The following CHAC1 variants were observed in gnomAD, a reference collection of about 807,000 sequenced individuals.
The protein encoded by CHAC1 is glutathione-specific gamma-glutamylcyclotransferase 1.
In CHAC1, 22 loss-of-function variants were observed where a neutral mutation model predicts 22.1. The observed-to-expected ratio is 1.00, with a 90% CI of 0.71 to 1.42. CHAC1 has a LOEUF of 1.42. CHAC1 is among the 40% of genes most tolerant of loss of function. The probability of loss-of-function intolerance (pLI) is 0.00; values close to 1 mark genes in which losing one functional copy is unlikely to be tolerated. For synonymous variants in CHAC1, 145 were observed against 128.7 expected, an observed-to-expected ratio of 1.13 and a Z score of -0.86; for missense variants, 272 against 299.2, an observed-to-expected ratio of 0.91 and a Z score of 0.67.
chr15:40,955,773 G>A lies in CHAC1; in HGVS notation c.668G>A (p.Ter223=), dbSNP rs1447383683. 6.3e-7 allele frequency: 1 copy of A among 1,590,226 alleles called. No homozygotes were observed. The highest frequency in any genetic ancestry group is 1.1e-5 in the South Asian group (1 of 89,894). Residue 223 remains the stop codon, a stop_retained_variant, in exon 3 of 3, where the codon TGA becomes TAA. Coordinates refer to ENST00000617768, the MANE Select transcript of CHAC1 (RefSeq NM_024111.6). ...ACCGAGCAGGCTCTGGCGCTGGTGTGAGGGGCTGAGCCCCTGCGGGGAGTG... is the reference window on the plus strand; with the variant it reads ...ACCGAGCAGGCTCTGGCGCTGGTGTAAGGGGCTGAGCCCCTGCGGGGAGTG... ...CPTEQALALV[*] is the part of the protein sequence containing the mutation.
At position 40,954,700 on chromosome 15, in the gene CHAC1, T is replaced by G. The variant is rs867131586; in HGVS notation, c.267+437T>G. Among the ~76,000 whole-genome samples the G allele has an allele frequency of 2.6e-5, 4 of 152,288 alleles. No homozygotes were observed. In the South Asian group the frequency reaches 6.2e-4, roughly 24 times the overall value. On this transcript the variant is annotated intron_variant, in intron 2 of 2. Coordinates refer to ENST00000617768, the MANE Select transcript of CHAC1 (RefSeq NM_024111.6). ...CTCACTGCAACATCTGCCTTCCAGA[T>G]TCAAGCGATTCTCCCACCTCAGCCT...
chr15:40,953,745 G>A lies in CHAC1; in HGVS notation c.162G>A (p.Val54=), dbSNP rs1270514250. The A allele has an allele frequency of 6.2e-7, 1 of 1,602,086 alleles. No homozygotes were observed. The highest frequency in any genetic ancestry group is 8.5e-7 in the Non-Finnish European group (1 of 1,179,756). The change falls in exon 1 of 3, where the codon GTG becomes GTA. Residue 54 remains valine (V), a synonymous_variant. Coordinates refer to ENST00000617768, the MANE Select transcript of CHAC1 (RefSeq NM_024111.6). ...ACTTCGCCTACAGCGACAGCCGTGT[G>A]GGCTTCGTGCGCGGCTACAGCCGCC... is the stretch of plus-strand genomic sequence containing the variant. The part of the protein sequence containing the change: ...RPDFAYSDSR[V]GFVRGYSRRF...
At position 40,953,676 on chromosome 15, in the gene CHAC1, A is replaced by G; in HGVS notation, c.93A>G (p.Gln31=). The change falls in exon 1 of 3, where the codon CAA becomes CAG. Residue 31 remains glutamine (Q), a synonymous_variant. Coordinates refer to ENST00000617768, the MANE Select transcript of CHAC1 (RefSeq NM_024111.6). ...AQFPRNDGDP[Q]ALWIFGYGSL... is the part of the protein sequence containing the mutation. ...TCCCCCGAAACGACGGCGACCCTCA[A>G]GCGCTGTGGATTTTCGGGTACGGCT... 6.2e-7 allele frequency: 1 copy of G among 1,608,382 alleles called. No individual in the cohort carries two copies. The highest frequency in any genetic ancestry group is 1.1e-5 in the South Asian group (1 of 91,082).
rs1280559612 is a variant in CHAC1 at position 40,955,590 on chromosome 15, C to A, written c.485C>A (p.Ala162Asp). The part of the protein sequence containing the change: ...YLGPAPEEAI[A>D]TQILACRGFS... ...GGCCCTGCGCCTGAAGAGGCCATTG[C>A]CACGCAGATCCTGGCCTGCCGGGGC... is the stretch of plus-strand genomic sequence containing the variant. Residue 162 changes from alanine to aspartate, a missense_variant, in exon 3 of 3, where the codon GCC (alanine) becomes GAC (aspartate). Transcript: ENST00000617768. 1.2e-6 allele frequency: 2 copies of A among 1,614,084 alleles called. No individual in the cohort carries two copies. The highest frequency in any genetic ancestry group is 1.7e-5 in the Admixed American group (1 of 60,032).
chr15:40,953,671 C>G lies in CHAC1; in HGVS notation c.88C>G (p.Pro30Ala), dbSNP rs755765473. 1.2e-5 allele frequency: 19 copies of G among 1,608,632 alleles called. No individual in the cohort carries two copies. The highest frequency in any genetic ancestry group is 8.3e-5 in the Admixed American group (5 of 60,010). The change falls in exon 1 of 3, where the codon CCT becomes GCT. Residue 30 changes from proline (P) to alanine (A), a missense_variant. Physicochemically the swap from Pro to Ala is conservative, Grantham distance 27. Transcript: ENST00000617768. The stretch of plus-strand genomic sequence containing the variant: ...TCAGTTCCCCCGAAACGACGGCGAC[C>G]CTCAAGCGCTGTGGATTTTCGGGTA... ...SAQFPRNDGD[P>A]QALWIFGYGS...
chr15:40,955,305 G>A, intron 2 of CHAC1, 68 bp from the exon 3 acceptor site: 1 of 1,562,292 alleles, frequency 6.4e-7, no homozygotes, highest in Non-Finnish European at 8.7e-7. Flanking sequence ...GGGGTGGCAT[G>A]TTAGGATAGG....
chr15:40,953,657 G>GA lies in CHAC1; in HGVS notation c.77dup (p.Asn26LysfsTer61). ...CCTACGCCGTCCGCTCAGTTCCCCC[G>GA]AAACGACGGCGACCCTCAAGCGCTG... On this transcript the variant is annotated frameshift_variant, in exon 1 of 3. Transcript: ENST00000617768. LOFTEE classifies it high-confidence loss of function. The GA allele has an allele frequency of 6.2e-7, 1 of 1,609,144 alleles. No homozygotes were observed. The highest frequency in any genetic ancestry group is 8.5e-7 in the Non-Finnish European group (1 of 1,179,990).
Position 40,955,775 on chromosome 15 carries a change from G to A in CHAC1, c.*1G>A. The A allele has an allele frequency of 6.3e-7, 1 of 1,589,616 alleles. No homozygotes were observed. The highest frequency in any genetic ancestry group is 8.5e-7 in the Non-Finnish European group (1 of 1,173,624). ...CGAGCAGGCTCTGGCGCTGGTGTGAGGGGCTGAGCCCCTGCGGGGAGTGCT... is the reference window on the plus strand; with the variant it reads ...CGAGCAGGCTCTGGCGCTGGTGTGAAGGGCTGAGCCCCTGCGGGGAGTGCT... On this transcript the variant is annotated 3_prime_UTR_variant, in exon 3 of 3. Transcript: ENST00000617768.
At position 40,953,549 on chromosome 15, in the gene CHAC1, G is replaced by A; in HGVS notation, c.-35G>A. 3.7e-6 allele frequency: 6 copies of A among 1,608,146 alleles called. No individual in the cohort carries two copies. Among genetic ancestry groups the A allele is most frequent in the Admixed American group, 1.7e-5 (1 of 59,992 alleles). On this transcript the variant is annotated 5_prime_UTR_variant, in exon 1 of 3. Coordinates refer to ENST00000617768, the MANE Select transcript of CHAC1 (RefSeq NM_024111.6). Reference sequence around the variant, plus strand: ...CGTGCCCACGCCGGAGACCAGCCCCGGAGGCCGCCTGGGCCTATCCCTGTG... The same window carrying A: ...CGTGCCCACGCCGGAGACCAGCCCCAGAGGCCGCCTGGGCCTATCCCTGTG...
chr15:40,955,908 G>C lies in CHAC1; in HGVS notation c.*134G>C, dbSNP rs1893236230. 1.1e-6 allele frequency: 1 copy of C among 872,956 alleles called. No homozygotes were observed. Among genetic ancestry groups the C allele is most frequent in the Non-Finnish European group, 1.7e-6 (1 of 587,716 alleles). 54.1% of individuals were successfully genotyped at this position (872,956 alleles called of 1,614,324 possible). On this transcript the variant is annotated 3_prime_UTR_variant, in exon 3 of 3. Coordinates refer to ENST00000617768, the MANE Select transcript of CHAC1 (RefSeq NM_024111.6). ...GGTGGCTGGAGGCTTCTCTTTCTCAGTCCCTGCCTGTCTGCCAGCCTGCAG... is the reference window on the plus strand; with the variant it reads ...GGTGGCTGGAGGCTTCTCTTTCTCACTCCCTGCCTGTCTGCCAGCCTGCAG...
rs1183482984 is a variant in CHAC1 at position 40,953,750 on chromosome 15, T to C, written c.167T>C (p.Phe56Ser). 1 of 1,601,428 alleles carries C rather than the reference T, an allele frequency of 6.2e-7. No homozygotes were observed. The highest frequency in any genetic ancestry group is 8.5e-7 in the Non-Finnish European group (1 of 1,179,682). Residue 56 changes from phenylalanine (F) to serine (S), a missense_variant, in exon 1 of 3, where the codon TTC (phenylalanine) becomes TCC (serine). Coordinates refer to ENST00000617768, the MANE Select transcript of CHAC1 (RefSeq NM_024111.6). ...GCCTACAGCGACAGCCGTGTGGGCT[T>C]CGTGCGCGGCTACAGCCGCCGTTTC... ...DFAYSDSRVG[F>S]VRGYSRRFWQ... is the part of the protein sequence containing the mutation.
chr15:40,954,582 TTTTTTGTTG>T (rs1424924754), intron 2 of CHAC1, among the ~76,000 whole-genome samples: 3 of 148,840 alleles, frequency 2.0e-5, no homozygotes, highest in African/African-American at 5.2e-5. Flanking sequence ...ACTGTTTTTT[TTTTTTGTTG>T]TTGTTGTTGT....
rs775626777 is a variant in CHAC1 at position 40,953,512 on chromosome 15, C to G, written c.-72C>G. 1.9e-6 allele frequency: 3 copies of G among 1,597,022 alleles called. No homozygotes were observed. In the Admixed American group the frequency reaches 5.1e-5, roughly 27 times the overall value. Reference sequence around the variant, plus strand: ...CGGTGCCAGGCCAGGTGTGTGCGTCCGTCGGTCTTTCCGTGCCCACGCCGG... The same window carrying G: ...CGGTGCCAGGCCAGGTGTGTGCGTCGGTCGGTCTTTCCGTGCCCACGCCGG... On this transcript the variant is annotated 5_prime_UTR_variant, in exon 1 of 3. Transcript: ENST00000617768.
rs567095735 is a variant in CHAC1, at chr15:40,955,456, G to T, written c.351G>T (p.Val117=). 2 of 1,614,142 alleles carry T rather than the reference G, an allele frequency of 1.2e-6. No individual in the cohort carries two copies. The highest frequency in any genetic ancestry group is 8.5e-7 in the Non-Finnish European group (1 of 1,180,004). ...ALKYLNVREA[V]LGGYDTKEVT... ...AGTACCTGAATGTGCGAGAGGCAGT[G>T]CTTGGTGGCTACGATACCAAGGAGG... Residue 117 remains valine (V), a synonymous_variant, in exon 3 of 3, where the codon GTG becomes GTT. Coordinates refer to ENST00000617768, the MANE Select transcript of CHAC1 (RefSeq NM_024111.6).
At chr15:40,954,364 C>A in intron 2 of CHAC1, 101 bp downstream of exon 2, 1 of 1,198,826 alleles carries the variant, frequency 8.3e-7, no homozygotes, top group Non-Finnish European at 1.2e-6. Context: ...CTGTCTGATG[C>A]TTCTCTGGCA....
At position 40,955,459 on chromosome 15, in the gene CHAC1, T is replaced by C. The variant is rs112929833; in HGVS notation, c.354T>C (p.Leu118=). 1.4e-4 allele frequency: 218 copies of C among 1,614,102 alleles called. 1 individual carries two copies. The African/African-American group carries it at 2.4e-3, about 18-fold the overall frequency. The part of the protein sequence containing the change: ...LKYLNVREAV[L]GGYDTKEVTF... ...ACCTGAATGTGCGAGAGGCAGTGCT[T>C]GGTGGCTACGATACCAAGGAGGTCA... is the stretch of plus-strand genomic sequence containing the variant. The change falls in exon 3 of 3, where the codon CTT becomes CTC. Residue 118 remains leucine (L), a synonymous_variant. Coordinates refer to ENST00000617768, the MANE Select transcript of CHAC1 (RefSeq NM_024111.6).
chr15:40,953,718 C>T lies in CHAC1; in HGVS notation c.135C>T (p.Pro45=). ...IFGYGSLVWR[P]DFAYSDSRVG... ...GGTACGGCTCCCTGGTGTGGAGGCC[C>T]GACTTCGCCTACAGCGACAGCCGTG... The change falls in exon 1 of 3, where the codon CCC becomes CCT. Residue 45 remains proline, a synonymous_variant. Transcript: ENST00000617768. The T allele has an allele frequency of 6.2e-7, 1 of 1,605,078 alleles. No homozygotes were observed. Among genetic ancestry groups the T allele is most frequent in the Non-Finnish European group, 8.5e-7 (1 of 1,179,956 alleles).
At chr15:40,955,291 G>C (rs1354207991) in intron 2 of CHAC1, 82 bp from the exon 3 acceptor site, 2 of 1,480,828 alleles carry the variant, frequency 1.4e-6, no homozygotes, top group Admixed American at 1.7e-5. Flanking sequence ...CACAGTCCTG[G>C]GTGGGGGTGG....
chr15:40,955,594 G>T lies in CHAC1; in HGVS notation c.489G>T (p.Thr163=). The T allele has an allele frequency of 6.2e-7, 1 of 1,614,014 alleles. No homozygotes were observed. The highest frequency in any genetic ancestry group is 8.5e-7 in the Non-Finnish European group (1 of 1,180,034). ...LGPAPEEAIA[T]QILACRGFSG... is the part of the protein sequence containing the mutation. ...CTGCGCCTGAAGAGGCCATTGCCAC[G>T]CAGATCCTGGCCTGCCGGGGCTTCT... Residue 163 remains threonine (T), a synonymous_variant, in exon 3 of 3, where the codon ACG becomes ACT. Transcript: ENST00000617768.
Sources: gnomAD v4.1 joint callset for allele counts (sites outside exome capture counted in the v4.1 genomes callset) on GRCh38, gnomAD v4.1.1 for gene constraint, MANE v1.5 for transcripts, NCBI Gene and HGNC (gene_info 2026-07-23, HGNC 2026-07-21) for gene names.